GABRB1: variants seen among roughly 807,000 people sequenced by gnomAD.
GABRB1 encodes the protein gamma-aminobutyric acid type A receptor subunit beta1.
GABRB1 carries 17 observed loss-of-function variants against 51.6 expected under a neutral mutation model. The observed-to-expected ratio is 0.33, with a 90% CI of 0.23 to 0.49. GABRB1 has a LOEUF of 0.49. Ranked by LOEUF, GABRB1 falls within the 20% of genes least tolerant of loss-of-function variation. The pLI, the probability that GABRB1 is intolerant of heterozygous loss-of-function variation, is 0.99. For synonymous variants in GABRB1, 247 were observed against 218.9 expected, an observed-to-expected ratio of 1.13 and a Z score of -1.14; for missense variants, 410 against 600.6, an observed-to-expected ratio of 0.68 and a Z score of 3.32.
rs576134864 is a variant in GABRB1 at position 47,300,570 on chromosome 4, C to A, written c.462-19557C>A. Among the ~76,000 whole-genome samples the A allele has an allele frequency of 6.6e-5, 10 of 152,078 alleles. No individual in the cohort carries two copies. In the East Asian group the frequency reaches 1.9e-3, roughly 29 times the overall value. Reference sequence around the variant, plus strand: ...AAGACACAGCCCCTTTATATTGAGTCTTTATAATGTAATTTGTCAATGCTC... The same window carrying A: ...AAGACACAGCCCCTTTATATTGAGTATTTATAATGTAATTTGTCAATGCTC... On this transcript the variant is annotated intron_variant, in intron 4 of 8. Coordinates refer to ENST00000295454, the MANE Select transcript of GABRB1 (RefSeq NM_000812.4).
intron 5 of GABRB1, among the ~76,000 whole-genome samples, chr4:47,330,987 T>C (rs1725460161): frequency 6.6e-6 from 1 of 152,166 alleles, no homozygotes; most frequent in Admixed American, 6.6e-5. Flanking sequence ...CTGCACACTT[T>C]CTATTCATGG....
At chr4:47,331,095 T>C (rs546415734) in intron 5 of GABRB1, among the ~76,000 whole-genome samples, 1 of 152,180 alleles carries the variant, frequency 6.6e-6, no homozygotes, top group Non-Finnish European at 1.5e-5. Context: ...ATTAGCAGCA[T>C]TGGATATCTC....
At chr4:47,395,015 G>A (rs1212930041) in intron 5 of GABRB1, among the ~76,000 whole-genome samples, 1 of 152,036 alleles carries the variant, frequency 6.6e-6, no homozygotes, top group Non-Finnish European at 1.5e-5. Context: ...AGTTCCTAAG[G>A]CTACCCCCTG....
At chr4:47,237,973 A>G (rs1267149593) in intron 4 of GABRB1, among the ~76,000 whole-genome samples, 1 of 152,036 alleles carries the variant, frequency 6.6e-6, no homozygotes, top group African/African-American at 2.4e-5. Context: ...ATAAACAGTA[A>G]TTAATTTGAA....
chr4:47,294,205 C>T (rs770649421), intron 4 of GABRB1, among the ~76,000 whole-genome samples: 8 of 152,164 alleles, frequency 5.3e-5, no homozygotes, highest in Non-Finnish European at 1.2e-4. Context: ...TTCTGCATTT[C>T]CATCTGAGGT....
intron 4 of GABRB1, among the ~76,000 whole-genome samples, chr4:47,302,916 CTA>C (rs1483051998): frequency 1.3e-5 from 2 of 152,018 alleles, no homozygotes; most frequent in Non-Finnish European, 1.5e-5. Context: ...CAGAAATTAA[CTA>C]TGTTTAATGT....
chr4:47,308,580 A>G (rs1297208630), intron 4 of GABRB1, among the ~76,000 whole-genome samples: 1 of 152,132 alleles, frequency 6.6e-6, no homozygotes, highest in African/African-American at 2.4e-5. Context: ...TACCACTTCA[A>G]GATGACTGAT....
intron 1 of GABRB1, among the ~76,000 whole-genome samples, chr4:46,997,654 G>T (rs1724043923): frequency 6.6e-6 from 1 of 151,692 alleles, no homozygotes; most frequent in Admixed American, 6.6e-5. Flanking sequence ...TGTCCTCCAG[G>T]TTCATCCATG....
intron 4 of GABRB1, among the ~76,000 whole-genome samples, chr4:47,313,573 C>T (rs1724781402): frequency 1.3e-5 from 2 of 152,098 alleles, no homozygotes; most frequent in Admixed American, 1.3e-4. Context: ...CTGAACAGAA[C>T]TCTGCCCAGG....
intron 4 of GABRB1, among the ~76,000 whole-genome samples, chr4:47,291,627 C>A (rs112370335): frequency 0.029 from 4,344 of 152,246 alleles, 82 homozygotes; most frequent in African/African-American, 0.05. Flanking sequence ...AGAGGAAGAG[C>A]CACCGAAGAC....
At chr4:47,049,141 CATCCATGTCATGGTTCATAAAGGAGGA>C (rs1368784280) in intron 3 of GABRB1, among the ~76,000 whole-genome samples, 3 of 151,946 alleles carry the variant, frequency 2.0e-5, no homozygotes, top group African/African-American at 7.2e-5. Context: ...CCTCCTTTGG[CATCCATGTCATGGTTCATAAAGGAGGA>C]AACACAATAG....
chr4:47,265,429 T>C (rs1418956533), intron 4 of GABRB1, among the ~76,000 whole-genome samples: 1 of 152,176 alleles, frequency 6.6e-6, no homozygotes, highest in Non-Finnish European at 1.5e-5. Flanking sequence ...AGCGCAGATA[T>C]CTTTTGACAT....
chr4:47,141,049 C>T (rs548928305), intron 3 of GABRB1, among the ~76,000 whole-genome samples: 10 of 151,780 alleles, frequency 6.6e-5, no homozygotes, highest in Middle Eastern at 3.4e-3. Flanking sequence ...AAAACTAATA[C>T]AGGATGGGTA....
intron 4 of GABRB1, among the ~76,000 whole-genome samples, chr4:47,256,097 T>C (rs1428687232): frequency 6.6e-6 from 1 of 152,206 alleles, no homozygotes; most frequent in Non-Finnish European, 1.5e-5. Context: ...GAGGCTGGTA[T>C]AATAATTCAG....
intron 4 of GABRB1, 81 bp downstream of exon 4, chr4:47,161,550 A>G: frequency 9.4e-7 from 1 of 1,067,562 alleles, no homozygotes; most frequent in Non-Finnish European, 1.4e-6. Context: ...CAAAGGGGAG[A>G]GAAGCAAGAA....
chr4:47,263,082 T>C (rs1052397754), intron 4 of GABRB1, among the ~76,000 whole-genome samples: 4 of 147,370 alleles, frequency 2.7e-5, no homozygotes, highest in Non-Finnish European at 4.5e-5. Flanking sequence ...TTAGGAGAAA[T>C]ACCTAATGCT....
In GABRB1 at chr4:47,254,361, G is replaced by GGTTTTTTTTTTTTTTTTTTTTTTTTTTT. The variant is rs1305298443; in HGVS notation, c.462-65766_462-65765insGTTTTTTTTTTTTTTTTTTTTTTTTTTT. On this transcript the variant is annotated intron_variant, in intron 4 of 8. Transcript: ENST00000295454. ...ATGGTGGATGATGTTTCTTTTCTTT[G>GGTTTTTTTTTTTTTTTTTTTTTTTTTTT]TTTTTTTTTTTTTTTTTTTTTTTTT... Among the ~76,000 whole-genome samples the GGTTTTTTTTTTTTTTTTTTTTTTTTTTT allele has an allele frequency of 2.5e-5, 2 of 80,966 alleles. 1 individual carries two copies. The highest frequency in any genetic ancestry group is 1.0e-4 in the African/African-American group (2 of 19,264). 53.1% of individuals were successfully genotyped at this position (80,966 alleles called of 152,430 possible). A position where few individuals can be genotyped will look rare whatever the true frequency, so the allele number is the denominator to read the frequency against.
intron 3 of GABRB1, among the ~76,000 whole-genome samples, chr4:47,063,850 A>C (rs182486327): frequency 6.6e-6 from 1 of 151,958 alleles, no homozygotes; most frequent in South Asian, 2.1e-4. Context: ...ACACATGGAC[A>C]TGGCGGGGGA....
chr4:47,251,761 G>A (rs577719487), intron 4 of GABRB1, among the ~76,000 whole-genome samples: 21 of 152,206 alleles, frequency 1.4e-4, no homozygotes, highest in Admixed American at 3.9e-4. Context: ...GCAGGTTGTC[G>A]GGGAAGTGGG....
Sources: gnomAD v4.1 joint callset for allele counts (sites outside exome capture counted in the v4.1 genomes callset) on GRCh38, gnomAD v4.1.1 for gene constraint, MANE v1.5 for transcripts, NCBI Gene and HGNC (gene_info 2026-07-23, HGNC 2026-07-21) for gene names.